PSMB7: variants seen among roughly 807,000 people sequenced by gnomAD.
PSMB7 encodes proteasome 20S subunit beta 7.
In PSMB7, 5 loss-of-function variants were observed where a neutral mutation model predicts 28.1. That is an observed-to-expected ratio of 0.18 (90% CI 0.09 to 0.37). The LOEUF (loss-of-function observed/expected upper bound fraction) is 0.37. Ranked by LOEUF, PSMB7 falls within the 10% of genes least tolerant of loss-of-function variation. The pLI is 1.00. For missense variants in PSMB7, 275 were observed against 346.2 expected, an observed-to-expected ratio of 0.79 and a Z score of 1.63; for synonymous variants, 122 against 123.7, an observed-to-expected ratio of 0.99 and a Z score of 0.09.
At chr9:124,399,994 C>T (rs550598156) in intron 5 of PSMB7, among the ~76,000 whole-genome samples, 1 of 152,200 alleles carries the variant, frequency 6.6e-6, no homozygotes, top group Non-Finnish European at 1.5e-5. Context: ...GCGTCTGGAC[C>T]CCCGAGGCCT....
intron 4 of PSMB7, among the ~76,000 whole-genome samples, chr9:124,405,716 CTG>C (rs2131178082): frequency 6.6e-6 from 1 of 152,292 alleles, no homozygotes; most frequent in Non-Finnish European, 1.5e-5. Flanking sequence ...GGGTCTCACT[CTG>C]TCACCCAGGC....
chr9:124,405,575 C>A, intron 4 of PSMB7, 143 bp from the exon 5 acceptor site: 4 of 593,200 alleles, frequency 6.7e-6, no homozygotes, highest in Admixed American at 3.1e-5. Context: ...TTGATGGGAA[C>A]AAAAAAGGGA....
At chr9:124,414,283 T>A (rs1431435086) in intron 2 of PSMB7, among the ~76,000 whole-genome samples, 1 of 152,240 alleles carries the variant, frequency 6.6e-6, no homozygotes, top group African/African-American at 2.4e-5. Flanking sequence ...AGAGCTAATC[T>A]GGAAAAAACC....
chr9:124,387,488 TACAC>T (rs937848274), intron 5 of PSMB7, among the ~76,000 whole-genome samples: 1 of 149,684 alleles, frequency 6.7e-6, no homozygotes, highest in African/African-American at 2.5e-5. Flanking sequence ...AATACATACA[TACAC>T]ACACACACAC....
At chr9:124,358,203 C>A (rs1830432839) in intron 6 of PSMB7, among the ~76,000 whole-genome samples, 1 of 152,172 alleles carries the variant, frequency 6.6e-6, no homozygotes, top group South Asian at 2.1e-4. Flanking sequence ...GATCCGCTAA[C>A]CTCAAGTTTT....
intron 5 of PSMB7, among the ~76,000 whole-genome samples, chr9:124,392,672 T>A (rs1830799433): frequency 6.6e-6 from 1 of 152,198 alleles, no homozygotes; most frequent in Admixed American, 6.5e-5. Context: ...ACAATCACTC[T>A]CAGCAAGTCC....
intron 5 of PSMB7, among the ~76,000 whole-genome samples, chr9:124,404,801 C>A (rs1830946703): frequency 6.6e-6 from 1 of 151,804 alleles, no homozygotes; most frequent in Admixed American, 6.6e-5. Context: ...TGCAGTGAGC[C>A]GAGATCATGC....
At chr9:124,370,980 G>C (rs571575012) in intron 6 of PSMB7, among the ~76,000 whole-genome samples, 4 of 152,280 alleles carry the variant, frequency 2.6e-5, no homozygotes, top group African/African-American at 9.6e-5. Flanking sequence ...GTGTGTGACT[G>C]TCTTGCACAC....
At chr9:124,378,476 A>G (rs1830635230) in intron 6 of PSMB7, among the ~76,000 whole-genome samples, 1 of 152,206 alleles carries the variant, frequency 6.6e-6, no homozygotes, top group Admixed American at 6.5e-5. Flanking sequence ...AGTCGATACC[A>G]GAGGGTGCAG....
chr9:124,374,269 GTTA>G (rs1830588304), intron 6 of PSMB7, among the ~76,000 whole-genome samples: 1 of 152,140 alleles, frequency 6.6e-6, no homozygotes, highest in Non-Finnish European at 1.5e-5. Context: ...TAAGAATGGA[GTTA>G]TTATTTTTTT....
intron 4 of PSMB7, among the ~76,000 whole-genome samples, chr9:124,405,830 G>A (rs193241109): frequency 6.6e-6 from 1 of 152,128 alleles, no homozygotes; most frequent in Admixed American, 6.5e-5. Context: ...CTACAGGTGT[G>A]CACCACCACA....
At chr9:124,369,538 A>G (rs987227827) in intron 6 of PSMB7, among the ~76,000 whole-genome samples, 5 of 152,186 alleles carry the variant, frequency 3.3e-5, no homozygotes, top group African/African-American at 1.2e-4. Context: ...ACATGCAGGG[A>G]CAGGGATGCT....
intron 5 of PSMB7, among the ~76,000 whole-genome samples, chr9:124,395,029 T>C (rs1032125895): frequency 1.3e-5 from 2 of 152,232 alleles, no homozygotes; most frequent in African/African-American, 4.8e-5. Flanking sequence ...GAAAAATGTA[T>C]TGACACTAAA....
chr9:124,403,106 C>A (rs925489108), intron 5 of PSMB7, among the ~76,000 whole-genome samples: 4 of 152,110 alleles, frequency 2.6e-5, no homozygotes, highest in East Asian at 1.9e-4. Context: ...GGAAAAACAC[C>A]AGCTACACGA....
At chr9:124,376,028 T>C (rs1368909969) in intron 6 of PSMB7, among the ~76,000 whole-genome samples, 1 of 152,220 alleles carries the variant, frequency 6.6e-6, no homozygotes, top group Admixed American at 6.5e-5. Context: ...GCTCCTGAGC[T>C]CAGAGTCGCA....
intron 5 of PSMB7, among the ~76,000 whole-genome samples, chr9:124,403,655 G>A (rs1369427752): frequency 6.6e-6 from 1 of 152,136 alleles, no homozygotes; most frequent in East Asian, 1.9e-4. Flanking sequence ...CTTTATATAC[G>A]TTATTTCCAA....
intron 5 of PSMB7, chr9:124,396,920 C>T (rs927908999): frequency 7.3e-6 from 3 of 412,208 alleles, no homozygotes; most frequent in Middle Eastern, 6.1e-4. Context: ...AAAAACATAA[C>T]TAAAATGCTT....
At chr9:124,406,497 C>CCAA (rs1554863701) in intron 4 of PSMB7, among the ~76,000 whole-genome samples, 13 of 50,462 alleles carry the variant, frequency 2.6e-4, no homozygotes, top group African/African-American at 8.6e-4. Context: ...AGAGTTGTCT[C>CCAA]AAAAAAAAAA....
At chr9:124,403,382 G>A (rs1199753135) in intron 5 of PSMB7, among the ~76,000 whole-genome samples, 1 of 152,064 alleles carries the variant, frequency 6.6e-6, no homozygotes, top group Non-Finnish European at 1.5e-5. Flanking sequence ...AAAATTAGAT[G>A]GGTGTGGCAG....
Sources: allele counts gnomAD v4.1 joint callset (sites outside exome capture counted in the v4.1 genomes callset), GRCh38; gene constraint gnomAD v4.1.1; transcripts MANE v1.5; gene names NCBI Gene and HGNC (gene_info 2026-07-23, HGNC 2026-07-21).